CIAPIN1: variants seen among roughly 807,000 people sequenced by gnomAD.
The protein encoded by CIAPIN1 is anamorsin.
A neutral mutation model predicts 34.3 loss-of-function variants in CIAPIN1; 18 were observed. The ratio of observed to expected loss-of-function variants is 0.52; its 90% CI spans 0.36 to 0.78. CIAPIN1 has a LOEUF of 0.78. Ranked by LOEUF, CIAPIN1 falls within the 30% of genes least tolerant of loss-of-function variation. The pLI, the probability that CIAPIN1 is intolerant of heterozygous loss-of-function variation, is 0.00. For missense variants in CIAPIN1, 310 were observed against 372.5 expected (o/e 0.83, Z 1.38); for synonymous variants, 131 against 140.4 (o/e 0.93, Z 0.47).
At chr16:57,439,144 C>A in intron 3 of CIAPIN1, 38 bp downstream of exon 3, 1 of 1,609,916 alleles carries the variant, frequency 6.2e-7, no homozygotes, top group Non-Finnish European at 8.5e-7. Flanking sequence ...TAAGACTCAA[C>A]CCTGTCAAAC....
intron 1 of CIAPIN1, among the ~76,000 whole-genome samples, chr16:57,446,216 G>A (rs1349681605): frequency 3.9e-5 from 6 of 152,180 alleles, no homozygotes; most frequent in African/African-American, 7.2e-5. Context: ...AGGAATTAGG[G>A]TTTCAGAAAG....
At chr16:57,444,892 T>C (rs985018069) in intron 1 of CIAPIN1, among the ~76,000 whole-genome samples, 4 of 152,268 alleles carry the variant, frequency 2.6e-5, no homozygotes, top group Middle Eastern at 3.4e-3. Flanking sequence ...CAGGACCCAG[T>C]TTCATAATAA....
intron 2 of CIAPIN1, among the ~76,000 whole-genome samples, chr16:57,440,338 C>T (rs572901774): frequency 9.8e-5 from 15 of 152,310 alleles, no homozygotes; most frequent in African/African-American, 1.9e-4. Context: ...CCTGTGATCT[C>T]GCTCTGCCCC....
At chr16:57,443,200 T>A (rs55879900) in intron 1 of CIAPIN1, among the ~76,000 whole-genome samples, 6,217 of 139,204 alleles carry the variant, frequency 0.045, 180 homozygotes, top group Middle Eastern at 0.097. Context: ...CAGGCTGGAG[T>A]GTAATCTTGG....
chr16:57,433,957 A>G (rs758660143), intron 5 of CIAPIN1, 87 bp downstream of exon 5: 13 of 1,176,522 alleles, frequency 1.1e-5, no homozygotes, highest in Non-Finnish European at 1.7e-5. Context: ...CTCTAAAAAT[A>G]TCACCATCTC....
At chr16:57,430,493 G>A in intron 7 of CIAPIN1, 154 bp from the exon 8 acceptor site, 3 of 652,516 alleles carry the variant, frequency 4.6e-6, no homozygotes, top group Non-Finnish European at 8.1e-6. Context: ...AATATGAGAG[G>A]CTGCTGAGGG....
At chr16:57,436,103 TGCTGCTCATGCCCCTCA>T (rs1229909386) in intron 4 of CIAPIN1, among the ~76,000 whole-genome samples, 3 of 152,218 alleles carry the variant, frequency 2.0e-5, no homozygotes, top group African/African-American at 7.2e-5. Flanking sequence ...GCAGCAGAGC[TGCTGCTCATGCCCCTCA>T]GCTGTCACCA....
intron 1 of CIAPIN1, 24 bp from the exon 2 acceptor site, chr16:57,441,007 TA>T: frequency 1.4e-6 from 2 of 1,446,478 alleles, no homozygotes; most frequent in Non-Finnish European, 1.9e-6. Flanking sequence ...AAGTGCAATT[TA>T]ATCTGTGAGA....
chr16:57,443,331 G>C (rs1043767858), intron 1 of CIAPIN1, among the ~76,000 whole-genome samples: 1 of 151,948 alleles, frequency 6.6e-6, no homozygotes, highest in African/African-American at 2.4e-5. Flanking sequence ...AGTAGACGGG[G>C]TTTCTCCATG....
intron 6 of CIAPIN1, 63 bp downstream of exon 6, chr16:57,432,424 A>G (rs1903108115): frequency 7.0e-7 from 1 of 1,422,942 alleles, no homozygotes; most frequent in South Asian, 1.2e-5. Flanking sequence ...AGGTCACTAT[A>G]GCTGTTCACA....
chr16:57,430,862 G>C (rs1351968418), intron 7 of CIAPIN1, among the ~76,000 whole-genome samples: 1 of 152,130 alleles, frequency 6.6e-6, no homozygotes. Flanking sequence ...TACTGGTAGG[G>C]TTTTGAGGGA....
intron 4 of CIAPIN1, among the ~76,000 whole-genome samples, chr16:57,436,392 T>C (rs1249481641): frequency 6.6e-6 from 1 of 152,092 alleles, no homozygotes; most frequent in Non-Finnish European, 1.5e-5. Context: ...CAGGCCCGAC[T>C]AATTTTTTTG....
chr16:57,446,150 T>A (rs76464323), intron 1 of CIAPIN1, among the ~76,000 whole-genome samples: 9,701 of 152,112 alleles, frequency 0.064, 353 homozygotes, highest in African/African-American at 0.093. Flanking sequence ...GAATTTTTTT[T>A]AAAAAGTGAG....
Position 57,430,324 on chromosome 16 carries a change from G to T in CIAPIN1, c.762C>A (p.Ala254=). 1 of 1,614,076 alleles carries T rather than the reference G, an allele frequency of 6.2e-7. No homozygotes were observed. The highest frequency in any genetic ancestry group is 2.2e-5 in the East Asian group (1 of 44,884). ...KACKNCTCGL[A]EELEKEKSRE... The stretch of plus-strand genomic sequence containing the variant: ...TTGACTTCTCTTTTTCCAGTTCTTC[G>T]GCAAGGCCACAGGTGCTGCGGGAAA... The change falls in exon 8 of 9, where the codon GCC becomes GCA. Residue 254 remains alanine, a synonymous_variant. Transcript: ENST00000394391.
chr16:57,429,826 A>C (rs1486128961), intron 8 of CIAPIN1, among the ~76,000 whole-genome samples: 35 of 145,116 alleles, frequency 2.4e-4, no homozygotes, highest in African/African-American at 8.6e-4. Context: ...TCCCTCTGTC[A>C]CCCAGGCTGG....
chr16:57,432,633 G>A, intron 5 of CIAPIN1, 73 bp from the exon 6 acceptor site: 1 of 1,352,562 alleles, frequency 7.4e-7, no homozygotes, highest in Non-Finnish European at 1.0e-6. Context: ...ATACATAAAT[G>A]CTTCCTGCTG....
intron 2 of CIAPIN1, among the ~76,000 whole-genome samples, chr16:57,439,892 A>G (rs1352814780): frequency 2.6e-5 from 4 of 152,230 alleles, no homozygotes; most frequent in Non-Finnish European, 5.9e-5. Context: ...GCATTTAAAC[A>G]ATACGACATC....
intron 1 of CIAPIN1, among the ~76,000 whole-genome samples, chr16:57,445,658 G>A (rs551002221): frequency 6.6e-6 from 1 of 152,194 alleles, no homozygotes; most frequent in African/African-American, 2.4e-5. Context: ...CCCTCTCTGG[G>A]CCTCAGTTTC....
chr16:57,435,017 T>C (rs567222759), intron 4 of CIAPIN1, among the ~76,000 whole-genome samples: 1 of 152,172 alleles, frequency 6.6e-6, no homozygotes, highest in East Asian at 1.9e-4. Context: ...GAGTCTGATA[T>C]AGTTTGGATA....
Sources: allele counts gnomAD v4.1 joint callset (sites outside exome capture counted in the v4.1 genomes callset), GRCh38; gene constraint gnomAD v4.1.1; transcripts MANE v1.5; gene names NCBI Gene and HGNC (gene_info 2026-07-23, HGNC 2026-07-21).